L3MBTL1: variants seen among roughly 807,000 people sequenced by gnomAD.
The protein encoded by L3MBTL1 is L3MBTL histone methyl-lysine binding protein 1, also known as lethal(3)malignant brain tumor-like protein 1.
L3MBTL1 carries 75 observed loss-of-function variants against 105.3 expected under a neutral mutation model. The observed-to-expected ratio is 0.71, with a 90% CI of 0.59 to 0.86. The LOEUF (loss-of-function observed/expected upper bound fraction) is 0.86. Ranked by LOEUF, L3MBTL1 falls within the 40% of genes least tolerant of loss-of-function variation. L3MBTL1 has a pLI of 0.00. For missense variants in L3MBTL1, 1,069 were observed against 1,126.4 expected (o/e 0.95, Z 0.73); for synonymous variants, 452 against 436.2 (o/e 1.04, Z -0.45).
intron 7 of L3MBTL1, among the ~76,000 whole-genome samples, chr20:43,518,150 C>T (rs922301493): frequency 2.7e-5 from 4 of 149,414 alleles, no homozygotes; most frequent in South Asian, 2.1e-4. Context: ...TTTCCCCCAA[C>T]GCCTTTTTTT....
chr20:43,534,009 C>A lies in L3MBTL1; in HGVS notation c.1515C>A (p.Asp505Glu). The stretch of plus-strand genomic sequence containing the variant: ...CATTGCTCTCATCCTCTCCTCCAGA[C>A]TACCCAGACCCTGATAACTTCTGTT... Reference protein sequence around the residue: ...KQGKPLTPPQDYPDPDNFCWE... With the variant: ...KQGKPLTPPQEYPDPDNFCWE... Residue 505 changes from aspartate (D) to glutamate (E), a missense_variant and splice_region_variant, in exon 14 of 22, where the codon GAC becomes GAA. By Grantham distance (45) the Asp-to-Glu change is conservative. Transcript: ENST00000418998. 1 of 1,613,390 alleles carries A rather than the reference C, an allele frequency of 6.2e-7. No individual in the cohort carries two copies. The highest frequency in any genetic ancestry group is 8.5e-7 in the Non-Finnish European group (1 of 1,179,374).
rs1444401484 is a variant in L3MBTL1, at chr20:43,534,932, G to T, written c.1815G>T (p.Gln605His). The T allele has an allele frequency of 6.3e-7, 1 of 1,599,880 alleles. No individual in the cohort carries two copies. Among genetic ancestry groups the T allele is most frequent in the Non-Finnish European group, 8.5e-7 (1 of 1,176,780 alleles). ...GWCSKTGHPL[Q>H]PPLGPREPSS... is the part of the protein sequence containing the mutation. ...GCTCCAAGACAGGACATCCCCTGCA[G>T]CCTCCTCTCGGTGTGTACCCCTAGG... Residue 605 changes from glutamine (Q) to histidine (H), a missense_variant, in exon 16 of 22, where the codon CAG becomes CAT. Gln to His is a conservative substitution (Grantham distance 24). Transcript: ENST00000418998.
At chr20:43,549,840 C>T (rs1978874197) in exon 19 of L3MBTL1, 1 of 152,152 alleles carries the variant, frequency 6.6e-6, no homozygotes, top group East Asian at 1.9e-4. Flanking sequence ...AAATTTGAAG[C>T]TTTATTTTTC....
At chr20:43,540,393 A>G in intron 20 of L3MBTL1, 85 bp downstream of exon 20, 1 of 1,478,688 alleles carries the variant, frequency 6.8e-7, no homozygotes, top group Non-Finnish European at 9.3e-7. Context: ...CAGGTCAGGT[A>G]GAACCCGGTA....
chr20:43,541,335 T>C lies in L3MBTL1; in HGVS notation c.*207T>C. On this transcript the variant is annotated 3_prime_UTR_variant, in exon 22 of 22. Coordinates refer to ENST00000418998, the MANE Select transcript of L3MBTL1 (RefSeq NM_001377303.1). ...TTCTGTCAATTTGAGCTGTTTACTGTCTCTGAGCCTACATCTTCTTGTCTG... is the reference window on the plus strand; with the variant it reads ...TTCTGTCAATTTGAGCTGTTTACTGCCTCTGAGCCTACATCTTCTTGTCTG... The C allele has an allele frequency of 3.2e-6, 3 of 925,984 alleles. No individual in the cohort carries two copies. The highest frequency in any genetic ancestry group is 3.7e-5 in the South Asian group (2 of 54,146). 57.4% of individuals were successfully genotyped at this position (925,984 alleles called of 1,614,324 possible).
Position 43,515,043 on chromosome 20 carries a change from TCAGGACCCC to T in L3MBTL1, c.539_547del (p.Gln180_Pro182del). On this transcript the variant is annotated inframe_deletion, in exon 5 of 22. Transcript: ENST00000418998. ...CCCAGAATCCTCCAGAAGATCCCAA[TCAGGACCCC>T]CCAGAGGATGATAGCACCTGTCAGT... The T allele has an allele frequency of 6.2e-7, 1 of 1,613,958 alleles. No homozygotes were observed. Among genetic ancestry groups the T allele is most frequent in the Non-Finnish European group, 8.5e-7 (1 of 1,179,916 alleles).
At position 43,534,229 on chromosome 20, in the gene L3MBTL1, G is replaced by C. The variant is rs1600947102; in HGVS notation, c.1600-55G>C. On this transcript the variant is annotated intron_variant, in intron 14 of 21. Transcript: ENST00000418998. ...GCACAGCATTTGGGCTCCCTCTGTGGGGCTCAGCTCTGCTGAGCTGCGCCT... is the reference window on the plus strand; with the variant it reads ...GCACAGCATTTGGGCTCCCTCTGTGCGGCTCAGCTCTGCTGAGCTGCGCCT... 1.9e-6 allele frequency: 3 copies of C among 1,566,402 alleles called. No homozygotes were observed. The East Asian group carries it at 6.7e-5, about 35-fold the overall frequency.
At chr20:43,535,711 G>A (rs775008726) in intron 16 of L3MBTL1, 126 bp from the exon 17 acceptor site, 15 of 629,616 alleles carry the variant, frequency 2.4e-5, no homozygotes, top group Non-Finnish European at 3.6e-5. Context: ...CACAGCCAAC[G>A]CAGGGCCCTC....
At chr20:43,548,559 G>T in exon 19 of L3MBTL1, 1 of 179,772 alleles carries the variant, frequency 5.6e-6, no homozygotes, top group Non-Finnish European at 1.2e-5. Flanking sequence ...TTACCAAAGG[G>T]TCTTTTTCTT....
chr20:43,534,575 G>C (rs1320005311), intron 15 of L3MBTL1, 181 bp downstream of exon 15: 2 of 621,198 alleles, frequency 3.2e-6, no homozygotes, highest in East Asian at 5.5e-5. Flanking sequence ...CCCTCTCTAA[G>C]CCTTACATCA....
At position 43,541,118 on chromosome 20, in the gene L3MBTL1, G is replaced by A. The variant is rs763714411; in HGVS notation, c.2579G>A (p.Ser860Asn). Residue 860 changes from serine (S) to asparagine (N), a missense_variant, in exon 22 of 22, where the codon AGT (serine) becomes AAT (asparagine). Coordinates refer to ENST00000418998, the MANE Select transcript of L3MBTL1 (RefSeq NM_001377303.1). Reference sequence around the variant, plus strand: ...GCCAAACTTAGCTTTGCCAGTGATAGTCAATATTAAAGTGTACTTTTTTCC... The same window carrying A: ...GCCAAACTTAGCTTTGCCAGTGATAATCAATATTAAAGTGTACTTTTTTCC... ...LLAKLSFASD[S>N]QY The A allele has an allele frequency of 1.2e-6, 2 of 1,613,832 alleles. No individual in the cohort carries two copies. Among genetic ancestry groups the A allele is most frequent in the East Asian group, 4.5e-5 (2 of 44,882 alleles).
chr20:43,532,534 C>T, intron 11 of L3MBTL1: 4 of 461,724 alleles, frequency 8.7e-6, no homozygotes, highest in Non-Finnish European at 1.5e-5. Context: ...CAGGCACTTA[C>T]CTTCTGACAC....
chr20:43,528,759 T>C lies in L3MBTL1; in HGVS notation c.951+14T>C. 1 of 1,599,408 alleles carries C rather than the reference T, an allele frequency of 6.3e-7. No homozygotes were observed. Among genetic ancestry groups the C allele is most frequent in the Non-Finnish European group, 8.6e-7 (1 of 1,166,600 alleles). On this transcript the variant is annotated intron_variant, in intron 8 of 21. Transcript: ENST00000418998. ...CTCTTCCAGGACGTGAGTTGGACAA[T>C]TTCCCCGTAGGAACAGCTTGTCTTC... is the stretch of plus-strand genomic sequence containing the variant.
Position 43,529,342 on chromosome 20 carries a change from A to G in L3MBTL1, c.1030A>G (p.Met344Val), listed in dbSNP as rs766884103. 6 of 1,612,890 alleles carry G rather than the reference A, an allele frequency of 3.7e-6. No individual in the cohort carries two copies. In the South Asian group the frequency reaches 4.4e-5, roughly 12 times the overall value. ...LEGIDPQHPS[M>V]YFILTVAEVC... is the part of the protein sequence containing the mutation. Reference sequence around the variant, plus strand: ...AGGCATTGACCCTCAACACCCGTCCATGTACTTCATCCTCACCGTGGCTGA... The same window carrying G: ...AGGCATTGACCCTCAACACCCGTCCGTGTACTTCATCCTCACCGTGGCTGA... Residue 344 changes from methionine (M) to valine (V), a missense_variant, in exon 9 of 22, where the codon ATG becomes GTG. Physicochemically the swap from Met to Val is conservative, Grantham distance 21 (BLOSUM62 1). Coordinates refer to ENST00000418998, the MANE Select transcript of L3MBTL1 (RefSeq NM_001377303.1).
intron 7 of L3MBTL1, 90 bp from the exon 8 acceptor site, chr20:43,528,567 G>A (rs771526797): frequency 3.6e-5 from 32 of 897,420 alleles, no homozygotes; most frequent in Non-Finnish European, 5.7e-5. Flanking sequence ...TTTGTTTTGG[G>A]GGTGAAGGTA....
chr20:43,526,704 A>G (rs1009494775), intron 7 of L3MBTL1, among the ~76,000 whole-genome samples: 1 of 152,180 alleles, frequency 6.6e-6, no homozygotes, highest in Non-Finnish European at 1.5e-5. Context: ...TCATGCCTGT[A>G]ATCCCAGCAC....
intron 7 of L3MBTL1, among the ~76,000 whole-genome samples, chr20:43,517,112 T>A (rs574142585): frequency 6.6e-6 from 1 of 151,296 alleles, no homozygotes; most frequent in Non-Finnish European, 1.5e-5. Flanking sequence ...TTTTTTTTTT[T>A]CTTTGAGACG....
chr20:43,522,266 A>C (rs2018750309), intron 7 of L3MBTL1, among the ~76,000 whole-genome samples: 1 of 151,934 alleles, frequency 6.6e-6, no homozygotes, highest in African/African-American at 2.4e-5. Flanking sequence ...AAGGCAGGAG[A>C]ATCACTTAAA....
chr20:43,538,005 A>C (rs903652527), intron 19 of L3MBTL1, among the ~76,000 whole-genome samples: 3 of 152,182 alleles, frequency 2.0e-5, no homozygotes, highest in African/African-American at 7.2e-5. Flanking sequence ...GAGATGTTCC[A>C]TGTGAGGTGC....
Sources: gnomAD v4.1 joint callset for allele counts (sites outside exome capture counted in the v4.1 genomes callset) on GRCh38, gnomAD v4.1.1 for gene constraint, MANE v1.5 for transcripts, NCBI Gene and HGNC (gene_info 2026-07-23, HGNC 2026-07-21) for gene names.